Variants in CCDC88C observed in about 807,000 individuals in gnomAD.
The protein encoded by CCDC88C is coiled-coil and HOOK domain protein 88C.
In CCDC88C, 131 loss-of-function variants were observed where a neutral mutation model predicts 198.8. That is an observed-to-expected ratio of 0.66 (90% CI 0.57 to 0.76). CCDC88C has a LOEUF of 0.76. Ranked by LOEUF, CCDC88C falls within the 30% of genes least tolerant of loss-of-function variation. The pLI is 0.00. For synonymous variants in CCDC88C, 1,166 were observed against 1,114.7 expected, an observed-to-expected ratio of 1.05 and a Z score of -0.92; for missense variants, 2,553 against 2,631.6, an observed-to-expected ratio of 0.97 and a Z score of 0.65.
chr14:91,358,726 C>A (rs1306338688), intron 4 of CCDC88C, among the ~76,000 whole-genome samples: 1 of 152,016 alleles, frequency 6.6e-6, no homozygotes. Flanking sequence ...TGGTCTTAAA[C>A]TCTTGGGCTC....
At chr14:91,320,024 C>CAAAAAA (rs61102058) in intron 13 of CCDC88C, among the ~76,000 whole-genome samples, 58 of 24,140 alleles carry the variant, frequency 2.4e-3, no homozygotes, top group Non-Finnish European at 4.2e-3. Context: ...AACTCAGTCT[C>CAAAAAA]AAAAAAAAAA....
At position 91,313,047 on chromosome 14, in the gene CCDC88C, A is replaced by G; in HGVS notation, c.2736+33T>C. On this transcript the variant is annotated intron_variant, in intron 15 of 29. Coordinates refer to ENST00000389857, the MANE Select transcript of CCDC88C (RefSeq NM_001080414.4). This position sits in a 1 kb window ranked among gnomAD's most constrained non-coding sequence, Gnocchi z 5.2. ...CAGAACCCACTACCACCATCTGCCA[A>G]TCCCCTTACAGGCGCCGCCTGTGTT... 1.3e-6 allele frequency: 2 copies of G among 1,512,642 alleles called. No individual in the cohort carries two copies. Among genetic ancestry groups the G allele is most frequent in the South Asian group, 2.6e-5 (2 of 78,098 alleles). The allele number at this position is 1,512,642 out of a possible 1,614,324, so 93.7% of individuals were successfully genotyped here.
intron 10 of CCDC88C, among the ~76,000 whole-genome samples, chr14:91,327,031 C>T (rs1892610461): frequency 6.6e-6 from 1 of 152,234 alleles, no homozygotes; most frequent in Non-Finnish European, 1.5e-5. Context: ...TGTTCCTTTG[C>T]TACGGGCTTT....
chr14:91,382,979 C>T (rs1884897103), intron 3 of CCDC88C, among the ~76,000 whole-genome samples: 1 of 152,170 alleles, frequency 6.6e-6, no homozygotes, highest in South Asian at 2.1e-4. Context: ...CAGTCACTAT[C>T]CCTCCTTCCA....
intron 3 of CCDC88C, among the ~76,000 whole-genome samples, chr14:91,397,854 G>A (rs763067019): frequency 1.6e-4 from 24 of 152,184 alleles, no homozygotes; most frequent in Non-Finnish European, 2.4e-4. Context: ...AGGACAGCAC[G>A]TCCACCTGCA....
intron 10 of CCDC88C, among the ~76,000 whole-genome samples, chr14:91,337,716 G>A (rs1156545610): frequency 6.6e-6 from 1 of 152,214 alleles, no homozygotes; most frequent in Non-Finnish European, 1.5e-5. Context: ...TTTAAAAGAC[G>A]CACACGGATA....
chr14:91,325,829 A>G lies in CCDC88C; in HGVS notation c.1197+81T>C, dbSNP rs1206769005. ...AGGGATCCTCCCACCTTAGCCTCCC[A>G]AAGTGCTGGGATTACAGGCATGAGC... is the stretch of plus-strand genomic sequence containing the variant. On this transcript the variant is annotated intron_variant, in intron 11 of 29. Coordinates refer to ENST00000389857, the MANE Select transcript of CCDC88C (RefSeq NM_001080414.4). This position sits in a 1 kb window ranked among gnomAD's most constrained non-coding sequence, Gnocchi z 4.1. The G allele has an allele frequency of 2.8e-6, 4 of 1,418,144 alleles. No homozygotes were observed. Among genetic ancestry groups the G allele is most frequent in the African/African-American group, 2.9e-5 (2 of 69,550 alleles). The allele number at this position is 1,418,144 out of a possible 1,614,324, so 87.8% of individuals were successfully genotyped here.
At chr14:91,370,076 C>G (rs964857813) in intron 3 of CCDC88C, among the ~76,000 whole-genome samples, 1 of 152,202 alleles carries the variant, frequency 6.6e-6, no homozygotes, top group Admixed American at 6.5e-5. Context: ...AGGAGAACCG[C>G]TGGGAAGGAG....
Position 91,313,911 on chromosome 14 carries a change from C to T in CCDC88C, c.1905G>A (p.Arg635=). Residue 635 remains arginine (R), a synonymous_variant, in exon 15 of 30, where the codon AGG becomes AGA. Transcript: ENST00000389857. This position sits in a 1 kb window ranked among gnomAD's most constrained non-coding sequence, Gnocchi z 5.2. ...TCTCCTCCTGGAGTCGCTGTAGCTC[C>T]CTCTCCAGCTTCTCTGCCCGCTCCC... is the stretch of plus-strand genomic sequence containing the variant. ...EKGERAEKLE[R]ELQRLQEENG... The T allele has an allele frequency of 6.2e-7, 1 of 1,612,016 alleles. No homozygotes were observed. Among genetic ancestry groups the T allele is most frequent in the Non-Finnish European group, 8.5e-7 (1 of 1,179,724 alleles).
At chr14:91,382,089 A>T (rs1240547401) in intron 3 of CCDC88C, among the ~76,000 whole-genome samples, 1 of 152,174 alleles carries the variant, frequency 6.6e-6, no homozygotes, top group East Asian at 1.9e-4. Flanking sequence ...CCCGCCATTA[A>T]ATACAGAGAC....
intron 4 of CCDC88C, among the ~76,000 whole-genome samples, chr14:91,354,436 C>G (rs527653181): frequency 4.6e-5 from 7 of 152,360 alleles, no homozygotes; most frequent in African/African-American, 1.7e-4. Context: ...TTGCTTCTCA[C>G]AGGCTTCTTG....
Position 91,321,331 on chromosome 14 carries a change from A to G in CCDC88C, c.1343-27T>C, listed in dbSNP as rs756428075. ...TGAAGACAAAGTCCAGTCAGAGCCCAGTGGTCTGTGGGCCTCCACTTCCAC... is the reference window on the plus strand; with the variant it reads ...TGAAGACAAAGTCCAGTCAGAGCCCGGTGGTCTGTGGGCCTCCACTTCCAC... On this transcript the variant is annotated intron_variant, in intron 12 of 29. Transcript: ENST00000389857. 1.6e-5 allele frequency: 25 copies of G among 1,548,490 alleles called. No individual in the cohort carries two copies. In the South Asian group the frequency reaches 3.0e-4, roughly 18 times the overall value.
chr14:91,387,677 G>C (rs1213334217), intron 3 of CCDC88C, among the ~76,000 whole-genome samples: 1 of 152,190 alleles, frequency 6.6e-6, no homozygotes, highest in African/African-American at 2.4e-5. Flanking sequence ...CGCCACTCCA[G>C]GGAGTTTCCA....
chr14:91,379,785 T>G lies in CCDC88C; in HGVS notation c.271-20074A>C, dbSNP rs963738026. On this transcript the variant is annotated intron_variant, in intron 3 of 29. Transcript: ENST00000389857. The stretch of plus-strand genomic sequence containing the variant: ...GCCCGGGCCTCCTGCGGGGGTGTCT[T>G]GTTCACTGTCCACTTCCACTGGGTT... 8.5e-6 allele frequency: 6 copies of G among 702,244 alleles called. No individual in the cohort carries two copies. In the African/African-American group the frequency reaches 8.7e-5, roughly 10 times the overall value. 43.5% of individuals were successfully genotyped at this position (702,244 alleles called of 1,614,324 possible).
intron 10 of CCDC88C, among the ~76,000 whole-genome samples, chr14:91,328,974 C>T (rs1192774609): frequency 1.3e-5 from 2 of 152,200 alleles, no homozygotes; most frequent in Admixed American, 6.5e-5. Context: ...GTAGCAACCA[C>T]GATGCCGTAT....
intron 2 of CCDC88C, among the ~76,000 whole-genome samples, chr14:91,414,363 G>A (rs1388376138): frequency 6.6e-6 from 1 of 152,190 alleles, no homozygotes; most frequent in Non-Finnish European, 1.5e-5. Context: ...GTAAAAGGGA[G>A]GCCAAGGGTT....
intron 3 of CCDC88C, among the ~76,000 whole-genome samples, chr14:91,376,542 G>A (rs776038855): frequency 1.3e-5 from 2 of 152,240 alleles, no homozygotes; most frequent in Non-Finnish European, 2.9e-5. Context: ...CACAGCCCTG[G>A]TGGGGCACAG....
rs768408120 is a variant in CCDC88C, at chr14:91,416,711, CCTTCCTCCGAGAAGAAGGTAA to C, written c.161+6_161+26del. 1.3e-6 allele frequency: 2 copies of C among 1,517,190 alleles called. No homozygotes were observed. Among genetic ancestry groups the C allele is most frequent in the Non-Finnish European group, 1.8e-6 (2 of 1,095,410 alleles). 94.0% of individuals were successfully genotyped at this position (1,517,190 alleles called of 1,614,324 possible). Reference sequence around the variant, plus strand: ...CAAACTTTCTAACGCACCATTCTTTCCTTCCTCCGAGAAGAAGGTAACTTACATTTGCAGCATAATTTGGTT... The same window carrying C: ...CAAACTTTCTAACGCACCATTCTTTCCTTACATTTGCAGCATAATTTGGTT... On this transcript the variant is annotated splice_donor_region_variant and intron_variant, in intron 2 of 29. Coordinates refer to ENST00000389857, the MANE Select transcript of CCDC88C (RefSeq NM_001080414.4).
intron 14 of CCDC88C, 45 bp downstream of exon 14, chr14:91,315,605 G>C (rs1892059282): frequency 1.2e-6 from 2 of 1,607,746 alleles, no homozygotes; most frequent in South Asian, 1.1e-5. Flanking sequence ...TCTCCGTCTT[G>C]CAGGCAGGGG....
Sources: gnomAD v4.1 joint callset for allele counts (sites outside exome capture counted in the v4.1 genomes callset) on GRCh38, gnomAD v4.1.1 for gene constraint, Gnocchi (gnomAD v3.1) non-coding constraint, MANE v1.5 for transcripts, NCBI Gene and HGNC (gene_info 2026-07-23, HGNC 2026-07-21) for gene names.